CELF2: variants seen among roughly 807,000 people sequenced by gnomAD.
The protein encoded by CELF2 is CUG triplet repeat RNA-binding protein 2.
A neutral mutation model predicts 62.6 loss-of-function variants in CELF2; 8 were observed. The observed-to-expected ratio is 0.13, with a 90% confidence interval of 0.07 to 0.23. CELF2 has a LOEUF of 0.23. Among genes scored for constraint, CELF2 ranks in the 10% least tolerant of loss-of-function variants. The probability of loss-of-function intolerance (pLI) is 1.00; values close to 1 mark genes in which losing one functional copy is unlikely to be tolerated. For missense variants in CELF2, 333 were observed against 671.0 expected, an observed-to-expected ratio of 0.50 and a Z score of 5.56; for synonymous variants, 258 against 250.0, an observed-to-expected ratio of 1.03 and a Z score of -0.30.
chr10:11,161,657 T>C (rs1163365855), intron 1 of CELF2, among the ~76,000 whole-genome samples: 1 of 152,202 alleles, frequency 6.6e-6, no homozygotes, highest in African/African-American at 2.4e-5. Context: ...TCAATAAATA[T>C]TATTTGAATT....
intron 11 of CELF2, among the ~76,000 whole-genome samples, chr10:11,322,536 T>G (rs2095497619): frequency 6.6e-6 from 1 of 152,116 alleles, no homozygotes; most frequent in African/African-American, 2.4e-5. Context: ...TAAGGGAGAT[T>G]TTTTGAAGTT....
At chr10:11,226,942 C>T (rs1000521768) in intron 3 of CELF2, among the ~76,000 whole-genome samples, 16 of 152,198 alleles carry the variant, frequency 1.1e-4, no homozygotes, top group African/African-American at 2.7e-4. Context: ...TCTTTATCTG[C>T]ATCCACAGGC....
At chr10:11,103,486 G>GTTTTT (rs1300138516) in intron 1 of CELF2, among the ~76,000 whole-genome samples, 1 of 66,826 alleles carries the variant, frequency 1.5e-5, no homozygotes, top group African/African-American at 1.1e-4. Flanking sequence ...TTTGTAGCCT[G>GTTTTT]ATTTTTTTTT....
chr10:10,612,248 G>A, the CELF2 span, among the ~76,000 whole-genome samples: 544 of 152,240 alleles, frequency 3.6e-3, 2 homozygotes, highest in African/African-American at 0.013. Context: ...AGATCCAGTC[G>A]TACATTCCAT....
At chr10:10,791,923 T>G in the CELF2 span, among the ~76,000 whole-genome samples, 6 of 150,228 alleles carry the variant, frequency 4.0e-5, no homozygotes, top group African/African-American at 1.2e-4. Context: ...TGGTCTACAA[T>G]GAATCAAAAA....
intron 1 of CELF2, among the ~76,000 whole-genome samples, chr10:10,812,958 C>T (rs1211087378): frequency 6.6e-6 from 1 of 152,098 alleles, no homozygotes; most frequent in Non-Finnish European, 1.5e-5. Context: ...CAGGATTGCC[C>T]AACTATAAAA....
At chr10:10,718,280 G>A in the CELF2 span, among the ~76,000 whole-genome samples, 4 of 152,198 alleles carry the variant, frequency 2.6e-5, no homozygotes, top group Admixed American at 2.0e-4. Context: ...CTTCCATTCT[G>A]TGTGTTCCTT....
At chr10:11,236,246 G>A (rs1221668907) in intron 3 of CELF2, among the ~76,000 whole-genome samples, 1 of 152,108 alleles carries the variant, frequency 6.6e-6, no homozygotes, top group Non-Finnish European at 1.5e-5. Context: ...AAATACAATC[G>A]GCTTAAATTT....
At chr10:11,126,736 A>C (rs903891997) in intron 1 of CELF2, among the ~76,000 whole-genome samples, 29 of 152,118 alleles carry the variant, frequency 1.9e-4, no homozygotes, top group African/African-American at 7.0e-4. Context: ...GTTTCATAAT[A>C]TATACATTTC....
At chr10:11,206,930 G>A (rs2060565429) in intron 2 of CELF2, among the ~76,000 whole-genome samples, 1 of 152,192 alleles carries the variant, frequency 6.6e-6, no homozygotes, top group African/African-American at 2.4e-5. Flanking sequence ...GAGCAGGGTG[G>A]GAGAGTTCGT....
At chr10:11,164,357 C>T (rs914570573) in intron 1 of CELF2, among the ~76,000 whole-genome samples, 3 of 152,170 alleles carry the variant, frequency 2.0e-5, no homozygotes, top group African/African-American at 4.8e-5. Context: ...TCTTCATCAT[C>T]GTATTACTTG....
chr10:10,790,842 C>T, the CELF2 span, among the ~76,000 whole-genome samples: 2 of 152,082 alleles, frequency 1.3e-5, no homozygotes, highest in Admixed American at 6.5e-5. Flanking sequence ...ATCCTTCTTT[C>T]TGATTGTCAG....
intron 1 of CELF2, among the ~76,000 whole-genome samples, chr10:11,056,291 G>C (rs1389268735): frequency 2.0e-5 from 3 of 152,214 alleles, no homozygotes; most frequent in African/African-American, 7.2e-5. Flanking sequence ...ATGAGGCTTT[G>C]TTGTTTCTGC....
At chr10:10,977,586 G>A (rs1437183418) in intron 2 of CELF2, among the ~76,000 whole-genome samples, 3 of 152,182 alleles carry the variant, frequency 2.0e-5, no homozygotes, top group African/African-American at 7.2e-5. Flanking sequence ...TAGATATTCT[G>A]AAACACAGAA....
the CELF2 span, among the ~76,000 whole-genome samples, chr10:10,782,578 A>G: frequency 6.6e-6 from 1 of 152,312 alleles, no homozygotes; most frequent in Non-Finnish European, 1.5e-5. Context: ...CTCATAGCCC[A>G]GTCTAGTTAA....
chr10:10,547,152 T>A, the CELF2 span, among the ~76,000 whole-genome samples: 1 of 152,130 alleles, frequency 6.6e-6, no homozygotes, highest in African/African-American at 2.4e-5. Flanking sequence ...AAAATGATTG[T>A]GTAGGGAGCC....
At chr10:10,737,588 G>A in the CELF2 span, among the ~76,000 whole-genome samples, 3 of 151,994 alleles carry the variant, frequency 2.0e-5, no homozygotes, top group Non-Finnish European at 4.4e-5. Flanking sequence ...CTCCAGCAAG[G>A]GGGGAAGCTT....
chr10:11,084,675 T>G (rs1462784815), intron 1 of CELF2, among the ~76,000 whole-genome samples: 1 of 152,144 alleles, frequency 6.6e-6, no homozygotes, highest in African/African-American at 2.4e-5. Context: ...TTAAAAAAAC[T>G]AGTCAATTTA....
chr10:11,150,906 G>A (rs17449567), intron 1 of CELF2, among the ~76,000 whole-genome samples: 6,025 of 152,260 alleles, frequency 0.04, 141 homozygotes, highest in Middle Eastern at 0.048. Context: ...TTATTAAGAA[G>A]AACAGTAATT....
Sources: allele counts gnomAD v4.1 joint callset (sites outside exome capture counted in the v4.1 genomes callset), GRCh38; gene constraint gnomAD v4.1.1; transcripts MANE v1.5; gene names NCBI Gene and HGNC (gene_info 2026-07-23, HGNC 2026-07-21).